Variants in CAMK1D observed in about 807,000 individuals in gnomAD.
CAMK1D encodes calcium/calmodulin dependent protein kinase ID, also known as calcium/calmodulin-dependent protein kinase type 1D.
In CAMK1D, 9 loss-of-function variants were observed where a neutral mutation model predicts 47.7. That is an observed-to-expected ratio of 0.19 (90% CI 0.11 to 0.33). The LOEUF (loss-of-function observed/expected upper bound fraction) is 0.33. CAMK1D is among the 10% of genes least tolerant of loss of function. The pLI, the probability that CAMK1D is intolerant of heterozygous loss-of-function variation, is 1.00. For missense variants in CAMK1D, 291 were observed against 488.7 expected, an observed-to-expected ratio of 0.60 and a Z score of 3.81; for synonymous variants, 184 against 184.9, an observed-to-expected ratio of 0.99 and a Z score of 0.04.
At chr10:12,529,099 A>C (rs904789352) in intron 1 of CAMK1D, among the ~76,000 whole-genome samples, 5 of 151,944 alleles carry the variant, frequency 3.3e-5, no homozygotes, top group African/African-American at 1.2e-4. Flanking sequence ...TGGTCTCCCA[A>C]AGTGCTGAGA....
chr10:12,459,027 C>T (rs987593780), intron 1 of CAMK1D, among the ~76,000 whole-genome samples: 2 of 151,890 alleles, frequency 1.3e-5, no homozygotes, highest in East Asian at 1.9e-4. Context: ...TACAGGGATG[C>T]GCCACCACGT....
chr10:12,496,263 T>C (rs1052682138), intron 1 of CAMK1D, among the ~76,000 whole-genome samples: 1 of 152,256 alleles, frequency 6.6e-6, no homozygotes, highest in Non-Finnish European at 1.5e-5. Flanking sequence ...TTAATGACTA[T>C]ATCAGTTAGG....
At chr10:12,564,527 T>A (rs1247235675) in intron 2 of CAMK1D, among the ~76,000 whole-genome samples, 1 of 152,204 alleles carries the variant, frequency 6.6e-6, no homozygotes, top group East Asian at 1.9e-4. Context: ...TTACTGTTTT[T>A]AAGCTATATA....
chr10:12,828,646 A>AAG, intron 10 of CAMK1D, 123 bp from the exon 11 acceptor site: 1 of 583,796 alleles, frequency 1.7e-6, no homozygotes, highest in Non-Finnish European at 2.9e-6. Context: ...ATCTCAAGAA[A>AAG]AAAAAAAAAT....
chr10:12,523,168 G>A (rs1293337770), intron 1 of CAMK1D, among the ~76,000 whole-genome samples: 4 of 150,194 alleles, frequency 2.7e-5, no homozygotes, highest in Non-Finnish European at 4.4e-5. Context: ...GGGCAGAGGC[G>A]CTCCTCACAT....
chr10:12,768,741 C>G (rs1175916383), intron 4 of CAMK1D, among the ~76,000 whole-genome samples: 2 of 152,020 alleles, frequency 1.3e-5, no homozygotes, highest in African/African-American at 4.8e-5. Flanking sequence ...TCTTTGTGTT[C>G]AAGGCCCACG....
chr10:12,623,463 C>T (rs1839108096), intron 2 of CAMK1D, among the ~76,000 whole-genome samples: 1 of 13,580 alleles, frequency 7.4e-5, no homozygotes. Context: ...CTCCCTCCCT[C>T]TCTCCCTCCC....
chr10:12,749,562 G>GTTTTTT (rs71982177), intron 3 of CAMK1D, among the ~76,000 whole-genome samples: 7 of 108,686 alleles, frequency 6.4e-5, no homozygotes, highest in African/African-American at 2.7e-4. Context: ...TTGTTTGTTT[G>GTTTTTT]TTTGTTTGTT....
intron 3 of CAMK1D, among the ~76,000 whole-genome samples, chr10:12,738,472 T>C (rs1388538480): frequency 6.6e-6 from 1 of 152,234 alleles, no homozygotes; most frequent in African/African-American, 2.4e-5. Context: ...AAGATATTTA[T>C]GCCAACTTGA....
chr10:12,576,941 C>T (rs998608216), intron 2 of CAMK1D, among the ~76,000 whole-genome samples: 2 of 152,214 alleles, frequency 1.3e-5, no homozygotes, highest in Admixed American at 6.5e-5. Context: ...AAAGGAACCA[C>T]ATCTCTGCGA....
chr10:12,659,362 G>C (rs1451113311), intron 2 of CAMK1D, among the ~76,000 whole-genome samples: 5 of 152,220 alleles, frequency 3.3e-5, no homozygotes, highest in Non-Finnish European at 7.3e-5. Flanking sequence ...TGAGACCAGA[G>C]GGAGTTGGGG....
intron 1 of CAMK1D, among the ~76,000 whole-genome samples, chr10:12,479,472 A>G (rs1833999923): frequency 6.6e-6 from 1 of 152,076 alleles, no homozygotes; most frequent in South Asian, 2.1e-4. Flanking sequence ...CTGGGATTAT[A>G]GGCGCCAGCA....
chr10:12,630,080 T>C (rs1316975222), intron 2 of CAMK1D, among the ~76,000 whole-genome samples: 1 of 152,202 alleles, frequency 6.6e-6, no homozygotes, highest in Non-Finnish European at 1.5e-5. Context: ...TTGGGTGTGA[T>C]TGGACGAGAT....
intron 1 of CAMK1D, among the ~76,000 whole-genome samples, chr10:12,522,529 AAC>A (rs1403639759): frequency 5.9e-5 from 9 of 152,130 alleles, no homozygotes; most frequent in Non-Finnish European, 1.2e-4. Flanking sequence ...GTCATAGATC[AAC>A]AGGATCCCAA....
chr10:12,548,687 A>C (rs1259356097), intron 1 of CAMK1D, among the ~76,000 whole-genome samples: 1 of 151,458 alleles, frequency 6.6e-6, no homozygotes, highest in African/African-American at 2.4e-5. Context: ...CTGGTATCAA[A>C]CTCCTGGGCT....
chr10:12,563,560 C>G (rs1418298865), intron 2 of CAMK1D, among the ~76,000 whole-genome samples: 1 of 152,044 alleles, frequency 6.6e-6, no homozygotes. Flanking sequence ...GTCTGGGCAT[C>G]CTTTAGGCCA....
intron 3 of CAMK1D, among the ~76,000 whole-genome samples, chr10:12,691,679 C>T (rs1290772163): frequency 1.3e-5 from 2 of 151,646 alleles, no homozygotes; most frequent in Non-Finnish European, 2.9e-5. Context: ...TCTTGAACTC[C>T]TGACCTTGTC....
At chr10:12,446,752 G>C (rs1237079374) in intron 1 of CAMK1D, among the ~76,000 whole-genome samples, 1 of 152,162 alleles carries the variant, frequency 6.6e-6, no homozygotes, top group East Asian at 1.9e-4. Context: ...GCTCTATGCC[G>C]GTGATTCCCA....
At chr10:12,682,778 TTTGA>T (rs1229567336) in intron 3 of CAMK1D, among the ~76,000 whole-genome samples, 3 of 151,974 alleles carry the variant, frequency 2.0e-5, no homozygotes, top group South Asian at 2.1e-4. Context: ...AAATTAAAAA[TTTGA>T]TTGGCCAAAA....
Sources: allele counts gnomAD v4.1 joint callset (sites outside exome capture counted in the v4.1 genomes callset), GRCh38; gene constraint gnomAD v4.1.1; transcripts MANE v1.5; gene names NCBI Gene and HGNC (gene_info 2026-07-23, HGNC 2026-07-21).